Variants in PTGR1 observed in about 807,000 individuals in gnomAD.
PTGR1 encodes the protein 15-oxoprostaglandin 13-reductase.
Under a neutral mutation model 37.7 loss-of-function variants are expected in PTGR1, and 23 were observed. The observed-to-expected ratio is 0.61, with a 90% CI of 0.44 to 0.86. The LOEUF (loss-of-function observed/expected upper bound fraction) is 0.86, where lower values mean the gene tolerates loss of function less well. Ranked by LOEUF, PTGR1 falls within the 40% of genes least tolerant of loss-of-function variation. The pLI, the probability that PTGR1 is intolerant of heterozygous loss-of-function variation, is 0.00. For synonymous variants in PTGR1, 134 were observed against 140.0 expected (o/e 0.96, Z 0.30); for missense variants, 351 against 394.3 (o/e 0.89, Z 0.93).
At chr9:111,559,549 C>G (rs1828215109), downstream of PTGR1, among the ~76,000 whole-genome samples, 1 of 152,080 alleles carries the variant, frequency 6.6e-6, no homozygotes, top group African/African-American at 2.4e-5. Context: ...CCACAACACA[C>G]TGCCCAACCC....
chr9:111,557,901 C>T (rs369592038), downstream of PTGR1, among the ~76,000 whole-genome samples: 14 of 152,112 alleles, frequency 9.2e-5, no homozygotes, highest in African/African-American at 9.7e-5. Context: ...GTAATCCCAG[C>T]GCTTTGGGAG....
At position 111,570,086 on chromosome 9, in the gene PTGR1, C is replaced by A; in HGVS notation, c.879+5G>T. 1.2e-6 allele frequency: 2 copies of A among 1,614,064 alleles called. No homozygotes were observed. The highest frequency in any genetic ancestry group is 1.7e-6 in the Non-Finnish European group (2 of 1,179,994). Reference sequence around the variant, plus strand: ...ATTGGAAGGGGTGGCTCCGGAGCTCCTTACCTCTAAGACCCATTTCAGCAA... The same window carrying A: ...ATTGGAAGGGGTGGCTCCGGAGCTCATTACCTCTAAGACCCATTTCAGCAA... On this transcript the variant is annotated splice_donor_5th_base_variant and intron_variant, in intron 9 of 9. Coordinates refer to ENST00000407693, the MANE Select transcript of PTGR1 (RefSeq NM_001146108.2).
At chr9:111,597,876 C>T (rs183027255) in intron 1 of PTGR1, among the ~76,000 whole-genome samples, 1 of 152,236 alleles carries the variant, frequency 6.6e-6, no homozygotes, top group East Asian at 1.9e-4. Flanking sequence ...CACAAAGAAC[C>T]CAATAGATAG....
chr9:111,579,797 C>T (rs1241411556), intron 6 of PTGR1, among the ~76,000 whole-genome samples: 6 of 152,188 alleles, frequency 3.9e-5, no homozygotes, highest in African/African-American at 9.6e-5. Context: ...CCAGACTACA[C>T]GCTTCCTAAT....
At chr9:111,590,436 G>T (rs1829575771) in intron 4 of PTGR1, among the ~76,000 whole-genome samples, 1 of 152,028 alleles carries the variant, frequency 6.6e-6, no homozygotes, top group South Asian at 2.1e-4. Context: ...TCAGCTCACT[G>T]CAACCTCTGC....
intron 6 of PTGR1, among the ~76,000 whole-genome samples, chr9:111,579,696 G>T (rs1829214960): frequency 1.3e-5 from 2 of 152,082 alleles, no homozygotes; most frequent in African/African-American, 2.4e-5. Flanking sequence ...GGGCTCAAGT[G>T]ATCCTCCTGC....
chr9:111,555,314 C>G (rs1279591229), intron 9 of PTGR1, among the ~76,000 whole-genome samples: 2 of 152,112 alleles, frequency 1.3e-5, no homozygotes, highest in Admixed American at 6.5e-5. Flanking sequence ...TCAAACTGTT[C>G]TGTGCACATT....
chr9:111,591,896 G>C (rs1829634253), intron 4 of PTGR1, among the ~76,000 whole-genome samples: 1 of 152,204 alleles, frequency 6.6e-6, no homozygotes, highest in African/African-American at 2.4e-5. Context: ...AGGTTGGACT[G>C]CCAGAATGAG....
intron 8 of PTGR1, among the ~76,000 whole-genome samples, chr9:111,572,824 AGACCTTGT>A (rs1335844108): frequency 2.0e-5 from 3 of 151,968 alleles, no homozygotes; most frequent in Non-Finnish European, 2.9e-5. Context: ...AAACAGAGCA[AGACCTTGT>A]CTCAAAACAA....
intron 4 of PTGR1, among the ~76,000 whole-genome samples, chr9:111,591,774 C>A (rs1295300891): frequency 2.0e-5 from 3 of 152,114 alleles, no homozygotes; most frequent in Non-Finnish European, 2.9e-5. Flanking sequence ...TGAATTTTTA[C>A]AATAATCATT....
intron 2 of PTGR1, 133 bp from the exon 3 acceptor site, chr9:111,594,400 A>C: frequency 4.0e-6 from 3 of 747,444 alleles, no homozygotes; most frequent in South Asian, 1.5e-5. Context: ...TACCATGCTC[A>C]CTGCCTGGGT....
intron 5 of PTGR1, 26 bp downstream of exon 5, chr9:111,585,971 CA>C: frequency 6.2e-7 from 1 of 1,610,080 alleles, no homozygotes; most frequent in Non-Finnish European, 8.5e-7. Context: ...GACATTCAAA[CA>C]AATGGAATAT....
chr9:111,593,950 T>C (rs1247726389), intron 3 of PTGR1, among the ~76,000 whole-genome samples: 24 of 150,634 alleles, frequency 1.6e-4, no homozygotes, highest in African/African-American at 3.9e-4. Flanking sequence ...TTTTTTTTTT[T>C]CTGGAAGTAA....
chr9:111,564,189 G>T (rs1331699626), intron 9 of PTGR1: 6 of 1,043,026 alleles, frequency 5.8e-6, no homozygotes, highest in East Asian at 2.0e-4. Flanking sequence ...GTATTCCAGT[G>T]ATGGCTTAGC....
chr9:111,578,959 G>C lies in PTGR1; in HGVS notation c.496-8C>G. 8.0e-7 allele frequency: 1 copy of C among 1,246,590 alleles called. No homozygotes were observed. Among genetic ancestry groups the C allele is most frequent in the Non-Finnish European group, 1.0e-6 (1 of 956,930 alleles). The allele number at this position is 1,246,590 out of a possible 1,614,324, so 77.2% of individuals were successfully genotyped here. ...TCCAACAACTTTGCAGCCCTAAGTA[G>C]AAAAAAAAAAAAAAAGGAAACCATG... On this transcript the variant is annotated splice_region_variant and splice_polypyrimidine_tract_variant and intron_variant, in intron 6 of 9. Coordinates refer to ENST00000407693, the MANE Select transcript of PTGR1 (RefSeq NM_001146108.2).
intron 8 of PTGR1, among the ~76,000 whole-genome samples, chr9:111,573,768 A>G (rs1828936206): frequency 6.6e-6 from 1 of 152,176 alleles, no homozygotes; most frequent in Non-Finnish European, 1.5e-5. Context: ...GGCCTGTACA[A>G]GGCATCTCAC....
intron 2 of PTGR1, among the ~76,000 whole-genome samples, chr9:111,596,339 G>A (rs1255620481): frequency 6.6e-6 from 1 of 152,192 alleles, no homozygotes; most frequent in Non-Finnish European, 1.5e-5. Flanking sequence ...GCACAGCGGG[G>A]CATGGTGGCT....
chr9:111,595,525 C>A (rs1168680419), intron 2 of PTGR1, among the ~76,000 whole-genome samples: 1 of 152,174 alleles, frequency 6.6e-6, no homozygotes, highest in Non-Finnish European at 1.5e-5. Context: ...GAATTTGAGT[C>A]ATGGCCATCA....
rs1378011625 is a variant in PTGR1 at position 111,562,576 on chromosome 9, CTTT to C, written c.*542_*544del. ...GGCATGAGCCACCACGCCCGGCTAA[CTTT>C]TTTTTTTAATTTAATTTTATTTTAT... On this transcript the variant is annotated 3_prime_UTR_variant, in exon 10 of 10. Transcript: ENST00000407693. 6.7e-6 allele frequency: 1 copy of C among 150,122 alleles called. No individual in the cohort carries two copies. The highest frequency in any genetic ancestry group is 2.1e-4 in the South Asian group (1 of 4,728). 9.3% of individuals were successfully genotyped at this position (150,122 alleles called of 1,614,324 possible). A position where few individuals can be genotyped will look rare whatever the true frequency, so the allele number is the denominator to read the frequency against.
Sources: allele counts gnomAD v4.1 joint callset (sites outside exome capture counted in the v4.1 genomes callset), GRCh38; gene constraint gnomAD v4.1.1; transcripts MANE v1.5; gene names NCBI Gene and HGNC (gene_info 2026-07-23, HGNC 2026-07-21).